The following NEGR1 variants were observed in gnomAD, a reference collection of about 807,000 sequenced individuals.
NEGR1 encodes the protein neuronal growth regulator 1.
In NEGR1, 10 loss-of-function variants were observed where a neutral mutation model predicts 40.9. The observed-to-expected ratio is 0.24, with a 90% CI of 0.15 to 0.42. The LOEUF (loss-of-function observed/expected upper bound fraction) is 0.42, where lower values mean the gene tolerates loss of function less well. Among genes scored for constraint, NEGR1 ranks in the 10% least tolerant of loss-of-function variants. The probability of loss-of-function intolerance (pLI) is 1.00; values close to 1 mark genes in which losing one functional copy is unlikely to be tolerated. For synonymous variants in NEGR1, 185 were observed against 166.8 expected, an observed-to-expected ratio of 1.11 and a Z score of -0.84; for missense variants, 352 against 438.9, an observed-to-expected ratio of 0.80 and a Z score of 1.77.
In NEGR1 at chr1:71,406,994, CAAAAAA is replaced by C. The variant is rs1646282467; in HGVS notation, c.*446_*451del. ...AAGGCAATATTATTTGCTTTTTTATCAAAAAAGAAAAAAATGCATCTTTGTAAATGT... is the reference window on the plus strand; with the variant it reads ...AAGGCAATATTATTTGCTTTTTTATCGAAAAAAATGCATCTTTGTAAATGT... On this transcript the variant is annotated 3_prime_UTR_variant, in exon 7 of 7. Coordinates refer to ENST00000357731, the MANE Select transcript of NEGR1 (RefSeq NM_173808.3). 1.3e-5 allele frequency: 2 copies of C among 151,792 alleles called. No individual in the cohort carries two copies. Among genetic ancestry groups the C allele is most frequent in the Admixed American group, 1.3e-4 (2 of 15,198 alleles). The allele number at this position is 151,792 out of a possible 1,614,324, so 9.4% of individuals were successfully genotyped here.
At chr1:72,174,064 A>T (rs561713440) in intron 1 of NEGR1, among the ~76,000 whole-genome samples, 2 of 152,244 alleles carry the variant, frequency 1.3e-5, no homozygotes, top group South Asian at 4.1e-4. Context: ...ATCTTCTAAC[A>T]TGGACATCCC....
At chr1:71,823,155 T>G (rs543759370) in intron 2 of NEGR1, among the ~76,000 whole-genome samples, 2 of 151,770 alleles carry the variant, frequency 1.3e-5, no homozygotes, top group South Asian at 4.2e-4. Flanking sequence ...AATATCCCAA[T>G]GTATAGAGTA....
intron 6 of NEGR1, among the ~76,000 whole-genome samples, chr1:71,556,992 GA>G (rs2101475587): frequency 1.3e-5 from 2 of 151,680 alleles, no homozygotes; most frequent in African/African-American, 4.8e-5. Flanking sequence ...TGCAAAGTAT[GA>G]AAATGCCCTC....
intron 3 of NEGR1, among the ~76,000 whole-genome samples, chr1:71,766,055 T>C (rs1010587972): frequency 6.6e-6 from 1 of 151,556 alleles, no homozygotes. Context: ...GCGCCTGTAA[T>C]CCCAGCTACT....
rs779074685 is a variant in NEGR1, at chr1:72,161,676, CTTTTTTTTTT to C, written c.176+120633_176+120642del. Among the ~76,000 whole-genome samples the C allele has an allele frequency of 3.3e-4, 28 of 84,556 alleles. No individual in the cohort carries two copies. The East Asian group carries it at 8.5e-3, about 26-fold the overall frequency. The allele number at this position is 84,556 out of a possible 152,430, so 55.5% of individuals were successfully genotyped here. ...TTATTTATTTTTTCTTTCTTTCTTT[CTTTTTTTTTT>C]TTTTTTTTTTTGAGATGTAGTCTTG... On this transcript the variant is annotated intron_variant, in intron 1 of 6. Transcript: ENST00000357731.
intron 3 of NEGR1, among the ~76,000 whole-genome samples, chr1:71,722,464 G>A (rs1654540724): frequency 6.6e-6 from 1 of 151,902 alleles, no homozygotes; most frequent in South Asian, 2.1e-4. Flanking sequence ...ACTTTTCAAT[G>A]AGCATGCTTC....
intron 6 of NEGR1, among the ~76,000 whole-genome samples, chr1:71,563,818 T>A (rs998147279): frequency 6.6e-6 from 1 of 151,716 alleles, no homozygotes; most frequent in Non-Finnish European, 1.5e-5. Context: ...AAAGGAAGGA[T>A]CACAGAGCCC....
intron 6 of NEGR1, among the ~76,000 whole-genome samples, chr1:71,487,596 T>A (rs2101380195): frequency 6.6e-6 from 1 of 151,914 alleles, no homozygotes. Flanking sequence ...TTGACTAATA[T>A]GAAGTCTGCT....
intron 6 of NEGR1, among the ~76,000 whole-genome samples, chr1:71,534,244 A>C (rs780722838): frequency 6.6e-6 from 1 of 151,716 alleles, no homozygotes; most frequent in Non-Finnish European, 1.5e-5. Flanking sequence ...GACCAATTCC[A>C]GTTAATAGTG....
Position 72,222,704 on chromosome 1 carries a change from G to A in NEGR1, c.176+59615C>T, listed in dbSNP as rs985312177. Among the ~76,000 whole-genome samples the A allele has an allele frequency of 9.9e-5, 15 of 152,248 alleles. No individual in the cohort carries two copies. The South Asian group carries it at 2.5e-3, about 25-fold the overall frequency. ...ATAAGGTATGCTGAGATAATCCTAC[G>A]TGACTTCAGAAGCTGAGGCAAAAAG... is the stretch of plus-strand genomic sequence containing the variant. On this transcript the variant is annotated intron_variant, in intron 1 of 6. Coordinates refer to ENST00000357731, the MANE Select transcript of NEGR1 (RefSeq NM_173808.3).
intron 1 of NEGR1, among the ~76,000 whole-genome samples, chr1:72,279,025 A>G (rs984959747): frequency 6.6e-6 from 1 of 152,136 alleles, no homozygotes; most frequent in Non-Finnish European, 1.5e-5. Flanking sequence ...AATTTAGCAC[A>G]GAATAACATT....
chr1:72,124,674 C>G (rs1168586106), intron 1 of NEGR1, among the ~76,000 whole-genome samples: 1 of 151,976 alleles, frequency 6.6e-6, no homozygotes, highest in East Asian at 1.9e-4. Context: ...AGGTTAATAA[C>G]TATCTTATGT....
chr1:71,864,561 G>A (rs1471058938), intron 2 of NEGR1, among the ~76,000 whole-genome samples: 2 of 152,094 alleles, frequency 1.3e-5, no homozygotes, highest in Non-Finnish European at 2.9e-5. Flanking sequence ...GTGGCAGATG[G>A]CATTTTTTAT....
At chr1:71,816,260 A>G (rs892571703) in intron 2 of NEGR1, among the ~76,000 whole-genome samples, 1 of 152,006 alleles carries the variant, frequency 6.6e-6, no homozygotes, top group Non-Finnish European at 1.5e-5. Context: ...TTTTCCCTCA[A>G]ACTTTCTGTA....
chr1:71,662,745 A>G (rs1264298848), intron 4 of NEGR1, among the ~76,000 whole-genome samples: 4 of 151,686 alleles, frequency 2.6e-5, no homozygotes, highest in Non-Finnish European at 5.9e-5. Flanking sequence ...ACATTTCTAT[A>G]AAATTATATT....
At chr1:72,111,175 A>T (rs964543113) in intron 1 of NEGR1, among the ~76,000 whole-genome samples, 3 of 151,408 alleles carry the variant, frequency 2.0e-5, no homozygotes, top group African/African-American at 7.3e-5. Flanking sequence ...TGGATACTGA[A>T]CATGTGTTCC....
At chr1:72,114,568 G>T (rs1387388601) in intron 1 of NEGR1, among the ~76,000 whole-genome samples, 2 of 151,728 alleles carry the variant, frequency 1.3e-5, no homozygotes, top group South Asian at 2.1e-4. Flanking sequence ...AAAGATATTT[G>T]TTTCTGTTTC....
In NEGR1 at chr1:72,282,373, G is replaced by C. The variant is rs756289443; in HGVS notation, c.122C>G (p.Pro41Arg). The stretch of plus-strand genomic sequence containing the variant: ...CATCATGTTGTCCACGGCCGCCCAG[G>C]GGAAGTCCACACTCTGTCCAGCCGG... The part of the protein sequence containing the change: ...CLPAGQSVDF[P>R]WAAVDNMMVR... The change falls in exon 1 of 7, where the codon CCC becomes CGC. Residue 41 changes from proline to arginine, a missense_variant. This residue lies in a region of NEGR1 where 81 missense variants were observed against 85.8 expected (regional missense o/e 0.94). Transcript: ENST00000357731. 5 of 1,613,904 alleles carry C rather than the reference G, an allele frequency of 3.1e-6. No individual in the cohort carries two copies. The highest frequency in any genetic ancestry group is 1.7e-5 in the Admixed American group (1 of 60,000).
At chr1:71,712,986 CAGTT>C (rs1407397459) in intron 3 of NEGR1, among the ~76,000 whole-genome samples, 1 of 152,156 alleles carries the variant, frequency 6.6e-6, no homozygotes, top group African/African-American at 2.4e-5. Flanking sequence ...AACTGTGAGT[CAGTT>C]AAACATGTTT....
Sources: allele counts gnomAD v4.1 joint callset (sites outside exome capture counted in the v4.1 genomes callset), GRCh38; gene constraint gnomAD v4.1.1; regional missense constraint gnomAD v4.1.1; transcripts MANE v1.5; gene names NCBI Gene and HGNC (gene_info 2026-07-23, HGNC 2026-07-21).